Variants in PAXIP1 observed in about 807,000 individuals in gnomAD.
The protein encoded by PAXIP1 is PAX interacting protein 1, also known as PAX-interacting protein 1.
In PAXIP1, 19 loss-of-function variants were observed where a neutral mutation model predicts 140.6. That is an observed-to-expected ratio of 0.14 (90% CI 0.09 to 0.20). PAXIP1 has a LOEUF of 0.20. PAXIP1 is among the 10% of genes least tolerant of loss of function. The pLI, the probability that PAXIP1 is intolerant of heterozygous loss-of-function variation, is 1.00. For missense variants in PAXIP1, 920 were observed against 1,208.6 expected (o/e 0.76, Z 3.54); for synonymous variants, 442 against 444.6 (o/e 0.99, Z 0.07).
In PAXIP1 at chr7:154,959,929, A is replaced by G. The variant is rs775075752; in HGVS notation, c.2439T>C (p.Ala813=). 6.3e-7 allele frequency: 1 copy of G among 1,598,598 alleles called. No individual in the cohort carries two copies. The highest frequency in any genetic ancestry group is 1.1e-5 in the South Asian group (1 of 90,646). Residue 813 remains alanine (A), a synonymous_variant, in exon 13 of 21, where the codon GCT becomes GCC. Coordinates refer to ENST00000404141, the MANE Select transcript of PAXIP1 (RefSeq NM_007349.4). The stretch of plus-strand genomic sequence containing the variant: ...CAGACACTTTTAAGGGAACTCTCCA[A>G]GCATCTAAAGAGAGAAACACATTAT... ...TQHLVLNLLD[A]WRVPLKVSAE...
At chr7:154,978,915 T>C (rs1809720815) in intron 5 of PAXIP1, among the ~76,000 whole-genome samples, 1 of 152,192 alleles carries the variant, frequency 6.6e-6, no homozygotes, top group Non-Finnish European at 1.5e-5. Context: ...GTTCCTAGTT[T>C]GTATAGAATG....
rs1585077471 is a variant in PAXIP1, at chr7:154,987,182, A to G, written c.324+3824T>C. ...AGCTGAGAATCCAAGATCTACTTAGACCCCTTAGCCTGTGTGATGCTCACT... is the reference window on the plus strand; with the variant it reads ...AGCTGAGAATCCAAGATCTACTTAGGCCCCTTAGCCTGTGTGATGCTCACT... On this transcript the variant is annotated intron_variant, in intron 4 of 20. Coordinates refer to ENST00000404141, the MANE Select transcript of PAXIP1 (RefSeq NM_007349.4). Among the ~76,000 whole-genome samples, 3 of 151,900 alleles carry G rather than the reference A, an allele frequency of 2.0e-5. No homozygotes were observed. In the South Asian group the frequency reaches 6.2e-4, roughly 32 times the overall value.
Position 154,973,313 on chromosome 7 carries a change from G to A in PAXIP1, c.1074+2383C>T, listed in dbSNP as rs561273434. Among the ~76,000 whole-genome samples the A allele has an allele frequency of 3.4e-4, 52 of 152,226 alleles. No individual in the cohort carries two copies. Among genetic ancestry groups the A allele is most frequent in the African/African-American group, 1.1e-3 (47 of 41,524 alleles). ...GGTGGGCACTGAAGCAGGCCCAAGAGCTCCTAACGGGCAGCTGCTGTTCAG... is the reference window on the plus strand; with the variant it reads ...GGTGGGCACTGAAGCAGGCCCAAGAACTCCTAACGGGCAGCTGCTGTTCAG... On this transcript the variant is annotated intron_variant, in intron 6 of 20. Coordinates refer to ENST00000404141, the MANE Select transcript of PAXIP1 (RefSeq NM_007349.4). This position sits in a 1 kb window ranked among gnomAD's most constrained non-coding sequence, Gnocchi z 4.0.
intron 2 of PAXIP1, among the ~76,000 whole-genome samples, chr7:154,995,657 C>G (rs306279): frequency 3.9e-5 from 6 of 152,156 alleles, no homozygotes; most frequent in South Asian, 2.1e-4. Flanking sequence ...CGAGACCAGC[C>G]TGGCCAACAT....
chr7:154,982,438 C>T (rs2150773159), intron 5 of PAXIP1, among the ~76,000 whole-genome samples: 1 of 152,100 alleles, frequency 6.6e-6, no homozygotes, highest in Non-Finnish European at 1.5e-5. Flanking sequence ...TGCAACTCCA[C>T]CTCCTGTGTT....
At chr7:154,990,385 C>T (rs555085141) in intron 4 of PAXIP1, among the ~76,000 whole-genome samples, 87 of 152,242 alleles carry the variant, frequency 5.7e-4, no homozygotes, top group African/African-American at 1.9e-3. Flanking sequence ...CAGGTGAAAA[C>T]GAAATGAGTA....
At chr7:154,975,075 T>C (rs1301490359) in intron 6 of PAXIP1, among the ~76,000 whole-genome samples, 9 of 150,826 alleles carry the variant, frequency 6.0e-5, no homozygotes. Flanking sequence ...GAGAATCATT[T>C]GAACCCGGGA....
At chr7:154,972,411 C>A (rs1479939814) in intron 6 of PAXIP1, among the ~76,000 whole-genome samples, 1 of 152,168 alleles carries the variant, frequency 6.6e-6, no homozygotes, top group African/African-American at 2.4e-5. Flanking sequence ...ATCGCCTAAA[C>A]CAGGGAGGTG....
Position 154,975,049 on chromosome 7 carries a change from C to T in PAXIP1, c.1074+647G>A, listed in dbSNP as rs193285220. ...GCACATGCCTGTGATTCCAGCTACT[C>T]GGGAGGCTGAGGCAGGAGAATCATT... is the stretch of plus-strand genomic sequence containing the variant. On this transcript the variant is annotated intron_variant, in intron 6 of 20. Transcript: ENST00000404141. 6.6e-3 allele frequency among the ~76,000 whole-genome samples: 989 copies of T among 149,514 alleles called. 7 individuals carry two copies. The highest frequency in any genetic ancestry group is 8.7e-3 in the Non-Finnish European group (590 of 67,550).
intron 4 of PAXIP1, among the ~76,000 whole-genome samples, chr7:154,988,902 T>G (rs10155827): frequency 6.6e-6 from 1 of 152,216 alleles, no homozygotes; most frequent in African/African-American, 2.4e-5. Flanking sequence ...TTCTGATAAG[T>G]TGATTGTAAA....
At position 154,968,891 on chromosome 7, in the gene PAXIP1, TGA is replaced by T; in HGVS notation, c.1308_1309del (p.Gln437AlafsTer158). On this transcript the variant is annotated frameshift_variant, in exon 7 of 21. Transcript: ENST00000404141. LOFTEE classifies it high-confidence loss of function. ...CGGCGGCTGCTGGGGGTAAGGTTGC[TGA>T]GAGATCTGCTGCTGCTGCTGCTGCT... 1.8e-6 allele frequency: 2 copies of T among 1,123,848 alleles called. No homozygotes were observed. Among genetic ancestry groups the T allele is most frequent in the Non-Finnish European group, 2.6e-6 (2 of 757,840 alleles). The allele number at this position is 1,123,848 out of a possible 1,614,324, so 69.6% of individuals were successfully genotyped here. A position where few individuals can be genotyped will look rare whatever the true frequency, so the allele number is the denominator to read the frequency against.
intron 4 of PAXIP1, among the ~76,000 whole-genome samples, chr7:154,987,137 G>A (rs1157541933): frequency 6.6e-6 from 1 of 152,086 alleles, no homozygotes; most frequent in Non-Finnish European, 1.5e-5. Context: ...TCCCCACAGG[G>A]ACTACACTGG....
Position 154,946,657 on chromosome 7 carries a change from T to C in PAXIP1, c.3057+22A>G, listed in dbSNP as rs1160566445. 1 of 1,613,776 alleles carries C rather than the reference T, an allele frequency of 6.2e-7. No homozygotes were observed. The highest frequency in any genetic ancestry group is 2.2e-5 in the East Asian group (1 of 44,858). ...TGATACAGGGCAATGACGGACTCGC[T>C]GGCGGACTCCACTCTACCCACCGAG... On this transcript the variant is annotated intron_variant, in intron 18 of 20. Coordinates refer to ENST00000404141, the MANE Select transcript of PAXIP1 (RefSeq NM_007349.4). This position sits in a 1 kb window ranked among gnomAD's most constrained non-coding sequence, Gnocchi z 4.9.
chr7:154,962,310 C>T lies in PAXIP1; in HGVS notation c.2127+11G>A, dbSNP rs1250372624. 1 of 1,611,966 alleles carries T rather than the reference C, an allele frequency of 6.2e-7. No homozygotes were observed. ...TGATTTAACAAATGGAACGCGAGGA[C>T]TCTGTCTTACATGCTGTGAACATGG... On this transcript the variant is annotated intron_variant, in intron 10 of 20. Coordinates refer to ENST00000404141, the MANE Select transcript of PAXIP1 (RefSeq NM_007349.4).
Position 154,963,067 on chromosome 7 carries a change from G to C in PAXIP1, c.1989+604C>G, listed in dbSNP as rs1444719146. Among the ~76,000 whole-genome samples the C allele has an allele frequency of 6.6e-6, 1 of 152,180 alleles. No individual in the cohort carries two copies. The highest frequency in any genetic ancestry group is 1.5e-5 in the Non-Finnish European group (1 of 68,030). ...TTTAGAAAAGCTCTGTAAGGGACCTGGTCTTTACACGCTTGTGTGCAAGTC... is the reference window on the plus strand; with the variant it reads ...TTTAGAAAAGCTCTGTAAGGGACCTCGTCTTTACACGCTTGTGTGCAAGTC... On this transcript the variant is annotated intron_variant, in intron 9 of 20. Coordinates refer to ENST00000404141, the MANE Select transcript of PAXIP1 (RefSeq NM_007349.4). The surrounding 1 kb of genome is among the most constrained non-coding windows in gnomAD (Gnocchi z 4.1).
chr7:154,975,523 TACACACACACACAC>T (rs35537788), intron 6 of PAXIP1, among the ~76,000 whole-genome samples, 159 bp downstream of exon 6: 75 of 150,218 alleles, frequency 5.0e-4, no homozygotes, highest in Non-Finnish European at 9.5e-4. Flanking sequence ...TATATACACA[TACACACACACACAC>T]ACACACACAC....
chr7:154,976,374 T>C (rs1249584041), intron 5 of PAXIP1, 43 bp from the exon 6 acceptor site: 1 of 1,515,958 alleles, frequency 6.6e-7, no homozygotes, highest in Admixed American at 2.3e-5. Flanking sequence ...AGCTGTAAAT[T>C]TTATCACATT....
Position 154,962,381 on chromosome 7 carries a change from C to T in PAXIP1, c.2067G>A (p.Pro689=), listed in dbSNP as rs1331949373. 2.2e-5 allele frequency: 35 copies of T among 1,610,668 alleles called. No homozygotes were observed. The highest frequency in any genetic ancestry group is 2.7e-5 in the Non-Finnish European group (32 of 1,178,452). The change falls in exon 10 of 21, where the codon CCG becomes CCA. Residue 689 remains proline, a synonymous_variant. Transcript: ENST00000404141. ...CCACTGGGAAGTGAAGGGCTCGGTG[C>T]GGCGGTACCATTTTCTTCTTCTTTA... ...TVLKKKKMVP[P]HRALHFPVAF...
At chr7:154,994,644 TTAAA>T (rs1445896351) in intron 2 of PAXIP1, among the ~76,000 whole-genome samples, 6 of 152,236 alleles carry the variant, frequency 3.9e-5, no homozygotes, top group African/African-American at 1.2e-4. Context: ...CATGTACACC[TTAAA>T]TAAATTTCAG....
Sources: allele counts gnomAD v4.1 joint callset (sites outside exome capture counted in the v4.1 genomes callset), GRCh38; gene constraint gnomAD v4.1.1; non-coding constraint Gnocchi (gnomAD v3.1); transcripts MANE v1.5; gene names NCBI Gene and HGNC (gene_info 2026-07-23, HGNC 2026-07-21).